Variants in NBPF11 observed in about 807,000 individuals in gnomAD.
NBPF11 encodes NBPF member 11.
In NBPF11, 72 loss-of-function variants were observed where a neutral mutation model predicts 93.9. The ratio of observed to expected loss-of-function variants is 0.77; its 90% confidence interval spans 0.63 to 0.93. The LOEUF is 0.93. Ranked by LOEUF, NBPF11 falls within the 40% of genes least tolerant of loss-of-function variation. The probability of loss-of-function intolerance (pLI) is 0.00; values close to 1 mark genes in which losing one functional copy is unlikely to be tolerated. For missense variants in NBPF11, 705 were observed against 802.2 expected (o/e 0.88, Z 1.46); for synonymous variants, 224 against 304.9 (o/e 0.73, Z 2.76).
At chr1:148,140,580 CAA>C (rs3053729) in intron 2 of NBPF11, among the ~76,000 whole-genome samples, 9 of 131,520 alleles carry the variant, frequency 6.8e-5, no homozygotes, top group South Asian at 4.8e-4. Context: ...CAACACAAAG[CAA>C]AAAAAAAAAA....
intron 17 of NBPF11, 151 bp downstream of exon 17, chr1:148,109,133 C>T (rs1274074701): frequency 5.4e-6 from 4 of 742,882 alleles, no homozygotes; most frequent in African/African-American, 1.7e-5. Context: ...TAAACATTTA[C>T]TCTAATGAGA....
chr1:148,149,592 A>G, intron 1 of NBPF11: 11 of 1,590,726 alleles, frequency 6.9e-6, no homozygotes, highest in Non-Finnish European at 9.4e-6. Flanking sequence ...GCCGGACCTC[A>G]GCAATAAGGC....
chr1:148,105,747 A>ACAC (rs1663421648), intron 21 of NBPF11, among the ~76,000 whole-genome samples: 26 of 74,238 alleles, frequency 3.5e-4, no homozygotes, highest in African/African-American at 2.0e-3. Context: ...CACACACACA[A>ACAC]ACACACACAC....
rs1329425201 is a variant in NBPF11 at position 148,151,002 on chromosome 1, G to A, written c.-549+748C>T. ...TCGGCCTCTTAAAGTGCTTCTTTTC[G>A]AAAGCAGCTCCACCAGCAAAAGGTA... On this transcript the variant is annotated intron_variant, in intron 1 of 23. Transcript: ENST00000682118. 1.4e-4 allele frequency among the ~76,000 whole-genome samples: 21 copies of A among 151,780 alleles called. 1 individual carries two copies. The highest frequency in any genetic ancestry group is 4.4e-4 in the African/African-American group (18 of 41,146).
In NBPF11 at chr1:148,120,462, C is replaced by T. The variant is rs28545790; in HGVS notation, c.988+39G>A. ...GTTTCTCAGAGAGAAGACAGGACTT[C>T]GTTCATCACTTTCGTGATGGTGAGC... On this transcript the variant is annotated intron_variant, in intron 10 of 23. Transcript: ENST00000682118. 49 of 871,896 alleles carry T rather than the reference C, an allele frequency of 5.6e-5. No homozygotes were observed. In the East Asian group the frequency reaches 8.6e-4, roughly 15 times the overall value. The allele number at this position is 871,896 out of a possible 1,614,324, so 54.0% of individuals were successfully genotyped here.
chr1:148,120,812 T>C, intron 9 of NBPF11, 102 bp from the exon 10 acceptor site: 3 of 901,118 alleles, frequency 3.3e-6, no homozygotes, highest in Non-Finnish European at 5.6e-6. Flanking sequence ...GTTTACTTAT[T>C]TGAAGATGTT....
chr1:148,121,314 G>A lies in NBPF11; in HGVS notation c.779-604C>T, dbSNP rs1667770930. On this transcript the variant is annotated intron_variant, in intron 9 of 23. Coordinates refer to ENST00000682118, the MANE Select transcript of NBPF11 (RefSeq NM_001385469.3). Reference sequence around the variant, plus strand: ...CCACCTTGGCCTCTCAAAGTGCTGGGATTAAGATGTGAGCCAGCGTCCCTG... The same window carrying A: ...CCACCTTGGCCTCTCAAAGTGCTGGAATTAAGATGTGAGCCAGCGTCCCTG... Among the ~76,000 whole-genome samples, 3 of 150,960 alleles carry A rather than the reference G, an allele frequency of 2.0e-5. No individual in the cohort carries two copies. In the South Asian group the frequency reaches 6.3e-4, roughly 32 times the overall value.
intron 9 of NBPF11, among the ~76,000 whole-genome samples, chr1:148,121,523 T>C (rs1456100867): frequency 5.3e-5 from 8 of 151,406 alleles, no homozygotes; most frequent in African/African-American, 1.5e-4. Flanking sequence ...AATTTCTTTT[T>C]TTTTTGTATT....
chr1:148,145,454 C>CCT (rs1672848258), intron 1 of NBPF11, among the ~76,000 whole-genome samples: 1 of 141,996 alleles, frequency 7.0e-6, no homozygotes, highest in Non-Finnish European at 1.5e-5. Flanking sequence ...TCGTGATCCA[C>CCT]CTGCCTAGGC....
chr1:148,150,966 A>G (rs1407841080), intron 1 of NBPF11, among the ~76,000 whole-genome samples: 7 of 151,936 alleles, frequency 4.6e-5, no homozygotes, highest in Non-Finnish European at 1.0e-4. Context: ...TGACCTCATG[A>G]TCCGCCCGCG....
chr1:148,104,649 C>A lies in NBPF11; in HGVS notation c.2473-4G>T, dbSNP rs1163840235. The A allele has an allele frequency of 3.6e-6, 2 of 552,112 alleles. No individual in the cohort carries two copies. The highest frequency in any genetic ancestry group is 6.2e-6 in the Non-Finnish European group (2 of 321,094). 34.2% of individuals were successfully genotyped at this position (552,112 alleles called of 1,614,324 possible). A position where few individuals can be genotyped will look rare whatever the true frequency, so the allele number is the denominator to read the frequency against. On this transcript the variant is annotated splice_region_variant and splice_polypyrimidine_tract_variant and intron_variant, in intron 22 of 23. Transcript: ENST00000682118. The stretch of plus-strand genomic sequence containing the variant: ...CCCTTCCCCTTCTTTTCAATTTCTG[C>A]AATAAATTCAGACATGGACAGACAC...
At chr1:148,121,743 C>T (rs1667916645) in intron 9 of NBPF11, among the ~76,000 whole-genome samples, 1 of 151,976 alleles carries the variant, frequency 6.6e-6, no homozygotes, top group African/African-American at 2.4e-5. Flanking sequence ...ATCATCTCAG[C>T]CCATCCTCCC....
chr1:148,144,122 C>G (rs1435297923), intron 1 of NBPF11, among the ~76,000 whole-genome samples: 1 of 151,508 alleles, frequency 6.6e-6, no homozygotes, highest in Non-Finnish European at 1.5e-5. Flanking sequence ...TCTTAGTGAA[C>G]AAGAATTCGA....
At chr1:148,116,818 A>C (rs1168654854) in intron 12 of NBPF11, among the ~76,000 whole-genome samples, 19,170 of 151,706 alleles carry the variant, frequency 0.13, 1,271 homozygotes, top group East Asian at 0.27. Flanking sequence ...GGACTTTGGC[A>C]GCTGTCTCCC....
chr1:148,128,237 CAG>C (rs1669574819), intron 4 of NBPF11, among the ~76,000 whole-genome samples: 1 of 118,068 alleles, frequency 8.5e-6, no homozygotes, highest in Non-Finnish European at 1.7e-5. Context: ...AAATGTTGGA[CAG>C]AGTTTTGCAA....
At chr1:148,146,244 C>T (rs1370507409) in intron 1 of NBPF11, 1 of 1,071,892 alleles carries the variant, frequency 9.3e-7, no homozygotes, top group African/African-American at 1.7e-5. Context: ...GCCCTGGCCT[C>T]CTAACGGGGC....
At chr1:148,148,983 C>T (rs1228830198) in intron 1 of NBPF11, among the ~76,000 whole-genome samples, 12 of 151,250 alleles carry the variant, frequency 7.9e-5, no homozygotes, top group East Asian at 2.0e-4. Context: ...CCCACCGCCA[C>T]GGTGTTGGGG....
intron 1 of NBPF11, chr1:148,149,139 G>T: frequency 1.3e-6 from 2 of 1,584,606 alleles, no homozygotes; most frequent in African/African-American, 1.4e-5. Context: ...GGCCGCGGCT[G>T]ACCCTGCTCC....
chr1:148,111,565 T>C (rs1420203355), intron 15 of NBPF11, among the ~76,000 whole-genome samples: 1 of 151,256 alleles, frequency 6.6e-6, no homozygotes, highest in Admixed American at 6.6e-5. Context: ...TTAAATGACC[T>C]GATGGAGCTG....
Sources: gnomAD v4.1 joint callset for allele counts (sites outside exome capture counted in the v4.1 genomes callset) on GRCh38, gnomAD v4.1.1 for gene constraint, MANE v1.5 for transcripts, NCBI Gene and HGNC (gene_info 2026-07-23, HGNC 2026-07-21) for gene names.